Variants in PBX3 observed in about 807,000 individuals in gnomAD.
PBX3 encodes PBX homeobox 3.
A neutral mutation model predicts 48.5 loss-of-function variants in PBX3; 14 were observed. The ratio of observed to expected loss-of-function variants is 0.29; its 90% CI spans 0.19 to 0.45. PBX3 has a LOEUF of 0.45. PBX3 is among the 20% of genes least tolerant of loss of function. The pLI is 1.00. For synonymous variants in PBX3, 210 were observed against 200.3 expected, an observed-to-expected ratio of 1.05 and a Z score of -0.41; for missense variants, 386 against 546.7, an observed-to-expected ratio of 0.71 and a Z score of 2.93.
At chr9:125,962,658 T>A (rs1056586000) in intron 7 of PBX3, among the ~76,000 whole-genome samples, 7 of 152,188 alleles carry the variant, frequency 4.6e-5, no homozygotes, top group Non-Finnish European at 1.5e-5. Context: ...TTTTTATACA[T>A]CTAGATGTAT....
chr9:125,762,009 G>A (rs1836681402), intron 2 of PBX3, among the ~76,000 whole-genome samples: 1 of 152,182 alleles, frequency 6.6e-6, no homozygotes, highest in African/African-American at 2.4e-5. Context: ...ACAACCTTCA[G>A]TATAGGACAT....
intron 3 of PBX3, among the ~76,000 whole-genome samples, chr9:125,920,204 T>C (rs1841428095): frequency 6.6e-6 from 1 of 152,256 alleles, no homozygotes; most frequent in Non-Finnish European, 1.5e-5. Context: ...GTACTTCGTC[T>C]TGGGTACATT....
intron 6 of PBX3, among the ~76,000 whole-genome samples, chr9:125,961,225 G>C (rs1842423911): frequency 6.6e-6 from 1 of 152,226 alleles, no homozygotes; most frequent in Non-Finnish European, 1.5e-5. Flanking sequence ...AGCAGTTGCT[G>C]TGTGTGAGGA....
intron 2 of PBX3, among the ~76,000 whole-genome samples, chr9:125,888,657 A>G (rs1840561550): frequency 6.6e-6 from 1 of 152,152 alleles, no homozygotes; most frequent in Non-Finnish European, 1.5e-5. Flanking sequence ...CTCATTATAA[A>G]AACAGCATTA....
intron 2 of PBX3, among the ~76,000 whole-genome samples, chr9:125,856,031 T>G (rs1337824261): frequency 6.6e-6 from 1 of 152,036 alleles, no homozygotes; most frequent in African/African-American, 2.4e-5. Flanking sequence ...ACATATAATA[T>G]AAATAGGCCC....
At chr9:125,772,147 G>C (rs1375424775) in intron 2 of PBX3, among the ~76,000 whole-genome samples, 1 of 152,180 alleles carries the variant, frequency 6.6e-6, no homozygotes, top group African/African-American at 2.4e-5. Context: ...GGGATAAGTA[G>C]AGCGTTTTTC....
chr9:125,849,880 G>A (rs1001715441), intron 2 of PBX3, among the ~76,000 whole-genome samples: 4 of 151,942 alleles, frequency 2.6e-5, no homozygotes, highest in African/African-American at 7.2e-5. Flanking sequence ...TTAATCAACA[G>A]TGTAACTGTT....
chr9:125,756,010 G>A (rs1187388171), intron 2 of PBX3, among the ~76,000 whole-genome samples: 1 of 151,838 alleles, frequency 6.6e-6, no homozygotes, highest in Non-Finnish European at 1.5e-5. Flanking sequence ...ATGGGCTTGT[G>A]CACCAATGTC....
intron 2 of PBX3, among the ~76,000 whole-genome samples, chr9:125,842,775 C>G (rs1365066650): frequency 6.6e-6 from 1 of 152,052 alleles, no homozygotes; most frequent in Admixed American, 6.6e-5. Context: ...CCTACTTGAT[C>G]TTTTTGGTTG....
rs778775129 is a variant in PBX3 at position 125,915,675 on chromosome 9, T to G, written c.275-11T>G. On this transcript the variant is annotated splice_polypyrimidine_tract_variant and intron_variant, in intron 2 of 8. Coordinates refer to ENST00000373489, the MANE Select transcript of PBX3 (RefSeq NM_006195.6). ...TCTTCTCTCTCTGTCTCTCTCTCTC[T>G]TTCCTTGAAGGTCTCAGCATCAGAG... is the stretch of plus-strand genomic sequence containing the variant. 3 of 1,595,612 alleles carry G rather than the reference T, an allele frequency of 1.9e-6. No homozygotes were observed. The highest frequency in any genetic ancestry group is 2.6e-6 in the Non-Finnish European group (3 of 1,168,454).
intron 2 of PBX3, among the ~76,000 whole-genome samples, chr9:125,755,350 A>G (rs1207871582): frequency 6.6e-6 from 1 of 152,170 alleles, no homozygotes; most frequent in Non-Finnish European, 1.5e-5. Context: ...GGCATTACAG[A>G]TGCTGGTAAC....
chr9:125,780,020 G>A (rs1837209161), intron 2 of PBX3, among the ~76,000 whole-genome samples: 1 of 139,716 alleles, frequency 7.2e-6, no homozygotes, highest in Non-Finnish European at 1.6e-5. Context: ...GCCGGGCAGA[G>A]GCGCCCCTCA....
At chr9:125,856,477 A>C (rs1236192847) in intron 2 of PBX3, among the ~76,000 whole-genome samples, 1 of 152,232 alleles carries the variant, frequency 6.6e-6, no homozygotes, top group Non-Finnish European at 1.5e-5. Flanking sequence ...CTGGCCTTGC[A>C]TCTGTATTTG....
chr9:125,896,240 T>C lies in PBX3; in HGVS notation c.275-19446T>C, dbSNP rs377519885. Reference sequence around the variant, plus strand: ...AGGTAAGCAGAGAGATTCCTCTGTGTGTGCCTTATGTACCTATTTCACAGA... The same window carrying C: ...AGGTAAGCAGAGAGATTCCTCTGTGCGTGCCTTATGTACCTATTTCACAGA... On this transcript the variant is annotated intron_variant, in intron 2 of 8. Transcript: ENST00000373489. Among the ~76,000 whole-genome samples the C allele has an allele frequency of 4.6e-5, 7 of 152,170 alleles. 1 individual carries two copies. The highest frequency in any genetic ancestry group is 3.9e-4 in the East Asian group (2 of 5,176).
intron 2 of PBX3, among the ~76,000 whole-genome samples, chr9:125,847,578 A>G (rs997793979): frequency 2.6e-5 from 4 of 152,040 alleles, no homozygotes; most frequent in African/African-American, 9.7e-5. Flanking sequence ...GTACTTTTAA[A>G]TAGGACAAAA....
At chr9:125,904,905 C>T (rs377368781) in intron 2 of PBX3, among the ~76,000 whole-genome samples, 18 of 151,840 alleles carry the variant, frequency 1.2e-4, no homozygotes, top group African/African-American at 4.4e-4. Context: ...ATTCAAAGGT[C>T]CTGGAGCTTA....
intron 2 of PBX3, among the ~76,000 whole-genome samples, chr9:125,752,633 T>C (rs762778565): frequency 5.3e-5 from 8 of 152,174 alleles, no homozygotes; most frequent in Non-Finnish European, 1.0e-4. Flanking sequence ...AGTCTTTTTT[T>C]GGTGTGCTTC....
intron 2 of PBX3, among the ~76,000 whole-genome samples, chr9:125,762,070 A>G (rs968867039): frequency 6.6e-6 from 1 of 152,212 alleles, no homozygotes; most frequent in South Asian, 2.1e-4. Context: ...TATATTTGCA[A>G]TAGTGAATGT....
chr9:125,780,058 A>G (rs1419039879), intron 2 of PBX3, among the ~76,000 whole-genome samples: 193 of 70,146 alleles, frequency 2.8e-3, no homozygotes, highest in Middle Eastern at 0.013. Context: ...CTGGCCGGGC[A>G]GGGGGCTGAC....
Sources: allele counts gnomAD v4.1 joint callset (sites outside exome capture counted in the v4.1 genomes callset), GRCh38; gene constraint gnomAD v4.1.1; transcripts MANE v1.5; gene names NCBI Gene and HGNC (gene_info 2026-07-23, HGNC 2026-07-21).